The following PIBF1 variants were observed in gnomAD, a reference collection of about 807,000 sequenced individuals.
The protein encoded by PIBF1 is progesterone immunomodulatory binding factor 1.
PIBF1 carries 90 observed loss-of-function variants against 112.5 expected under a neutral mutation model. That is an observed-to-expected ratio of 0.80 (90% CI 0.67 to 0.95). The LOEUF (loss-of-function observed/expected upper bound fraction) is 0.95. PIBF1 is among the 40% of genes least tolerant of loss of function. The probability of loss-of-function intolerance (pLI) is 0.00; values close to 1 mark genes in which losing one functional copy is unlikely to be tolerated. For synonymous variants in PIBF1, 301 were observed against 288.6 expected (o/e 1.04, Z -0.44); for missense variants, 915 against 852.3 (o/e 1.07, Z -0.92).
intron 14 of PIBF1, among the ~76,000 whole-genome samples, chr13:72,964,842 A>G (rs2042698045): frequency 1.3e-5 from 2 of 152,128 alleles, no homozygotes; most frequent in Admixed American, 1.3e-4. Context: ...GTGGGCGATC[A>G]CCTGAGGTCA....
rs1555296165 is a variant in PIBF1, at chr13:72,844,758, C to CGGATGAAGTCTTACTGTTT, written c.1224-9299_1224-9298insGGATGAAGTCTTACTGTTT. On this transcript the variant is annotated intron_variant, in intron 9 of 17. Coordinates refer to ENST00000326291, the MANE Select transcript of PIBF1 (RefSeq NM_006346.4). The stretch of plus-strand genomic sequence containing the variant: ...ACACACACACACACACACACACACA[C>CGGATGAAGTCTTACTGTTT]ACACACACACACACACACACACACA... Among the ~76,000 whole-genome samples the CGGATGAAGTCTTACTGTTT allele has an allele frequency of 9.5e-4, 119 of 125,744 alleles. 1 individual carries two copies. The highest frequency in any genetic ancestry group is 3.4e-3 in the South Asian group (12 of 3,492). The allele number at this position is 125,744 out of a possible 152,430, so 82.5% of individuals were successfully genotyped here.
In PIBF1 at chr13:72,892,785, T is replaced by TACACACACACACACAC. The variant is rs113653296; in HGVS notation, c.1323-990_1323-975dup. On this transcript the variant is annotated intron_variant, in intron 10 of 17. Transcript: ENST00000326291. The stretch of plus-strand genomic sequence containing the variant: ...TCCCACCCCTTACCTCCTCCTGCCT[T>TACACACACACACACAC]ACACACACACACACACACACACACG... 5.6e-3 allele frequency among the ~76,000 whole-genome samples: 782 copies of TACACACACACACACAC among 140,662 alleles called. 22 individuals are homozygous for TACACACACACACACAC. The highest frequency in any genetic ancestry group is 4.7e-3 in the East Asian group (22 of 4,656). 92.3% of individuals were successfully genotyped at this position (140,662 alleles called of 152,430 possible).
chr13:72,860,907 A>C (rs939195192), intron 10 of PIBF1, among the ~76,000 whole-genome samples: 2 of 152,230 alleles, frequency 1.3e-5, no homozygotes, highest in African/African-American at 4.8e-5. Flanking sequence ...GAACATGAAC[A>C]GTTATTATGT....
intron 11 of PIBF1, among the ~76,000 whole-genome samples, chr13:72,904,429 A>ATT (rs1240090172): frequency 7.8e-5 from 4 of 51,090 alleles, no homozygotes; most frequent in African/African-American, 1.7e-4. Flanking sequence ...ATATCAAAAT[A>ATT]TTTCTTTTTT....
At position 73,000,296 on chromosome 13, in the gene PIBF1, A is replaced by G. The variant is rs368848780; in HGVS notation, c.2223+1301A>G. Among the ~76,000 whole-genome samples, 119 of 152,286 alleles carry G rather than the reference A, an allele frequency of 7.8e-4. 1 individual carries two copies. The highest frequency in any genetic ancestry group is 2.9e-3 in the African/African-American group (119 of 41,568). ...TTTGTCTTGAAACAGGTTTCTGTAC[A>G]TCCTTTCTGCATCTACTCTCTTATA... is the stretch of plus-strand genomic sequence containing the variant. On this transcript the variant is annotated intron_variant, in intron 17 of 17. Transcript: ENST00000326291.
intron 16 of PIBF1, among the ~76,000 whole-genome samples, chr13:72,992,325 T>C (rs1227863387): frequency 6.6e-6 from 1 of 152,134 alleles, no homozygotes; most frequent in Non-Finnish European, 1.5e-5. Flanking sequence ...ATTTAAAAAA[T>C]ATTTTGAAAA....
chr13:72,938,777 A>G (rs2041938460), intron 14 of PIBF1, among the ~76,000 whole-genome samples: 1 of 152,222 alleles, frequency 6.6e-6, no homozygotes, highest in East Asian at 1.9e-4. Context: ...GCCATTTTAC[A>G]TTCCCACCAG....
At chr13:72,857,930 A>G (rs1224214494) in intron 10 of PIBF1, among the ~76,000 whole-genome samples, 2 of 152,232 alleles carry the variant, frequency 1.3e-5, no homozygotes, top group Non-Finnish European at 2.9e-5. Context: ...TGGGTATGGA[A>G]AAACAGGCAA....
intron 10 of PIBF1, among the ~76,000 whole-genome samples, chr13:72,892,734 C>T (rs1487280002): frequency 4.0e-5 from 6 of 151,048 alleles, no homozygotes; most frequent in Non-Finnish European, 4.4e-5. Context: ...CTGCATATAA[C>T]TCACATTTCT....
intron 14 of PIBF1, among the ~76,000 whole-genome samples, chr13:72,959,281 C>T (rs1594273065): frequency 6.6e-6 from 1 of 152,184 alleles, no homozygotes; most frequent in East Asian, 1.9e-4. Context: ...CAGGCATGAG[C>T]CACCACGCCC....
chr13:72,927,178 T>C (rs1293973386), intron 13 of PIBF1, among the ~76,000 whole-genome samples: 1 of 152,016 alleles, frequency 6.6e-6, no homozygotes, highest in Non-Finnish European at 1.5e-5. Context: ...AATAGATTGT[T>C]GTGCCTCAGC....
intron 17 of PIBF1, among the ~76,000 whole-genome samples, chr13:73,004,854 G>A (rs1431244016): frequency 5.3e-5 from 8 of 152,246 alleles, no homozygotes; most frequent in African/African-American, 1.7e-4. Context: ...TAGTTGCATC[G>A]TAATGTGAAT....
chr13:73,001,650 C>G (rs1195097412), intron 17 of PIBF1, among the ~76,000 whole-genome samples: 1 of 91,588 alleles, frequency 1.1e-5, no homozygotes, highest in African/African-American at 3.7e-5. Flanking sequence ...GAGATGGAGT[C>G]TCTCACTCTG....
chr13:72,882,954 A>G (rs774498204), intron 10 of PIBF1, among the ~76,000 whole-genome samples: 2 of 152,144 alleles, frequency 1.3e-5, no homozygotes, highest in African/African-American at 4.8e-5. Context: ...TGATTGCTGG[A>G]TCATATGGTA....
At chr13:72,883,244 A>G (rs1447951967) in intron 10 of PIBF1, among the ~76,000 whole-genome samples, 2 of 152,200 alleles carry the variant, frequency 1.3e-5, no homozygotes, top group African/African-American at 2.4e-5. Flanking sequence ...CAATAAGACA[A>G]ACTTTGCATG....
chr13:72,787,424 T>C (rs2138341584), intron 2 of PIBF1, among the ~76,000 whole-genome samples: 1 of 152,278 alleles, frequency 6.6e-6, no homozygotes, highest in South Asian at 2.1e-4. Flanking sequence ...CTCAGAAGTA[T>C]ATTGGACTCC....
At chr13:72,937,006 T>A (rs1232324323) in intron 14 of PIBF1, among the ~76,000 whole-genome samples, 1 of 152,174 alleles carries the variant, frequency 6.6e-6, no homozygotes, top group Admixed American at 6.5e-5. Flanking sequence ...CTGTCAACTG[T>A]TTGACATCTT....
At chr13:72,877,121 C>T (rs1042348760) in intron 10 of PIBF1, among the ~76,000 whole-genome samples, 2 of 152,134 alleles carry the variant, frequency 1.3e-5, no homozygotes, top group Admixed American at 1.3e-4. Flanking sequence ...GCTTTCTCTA[C>T]ATCTATTGAC....
intron 10 of PIBF1, among the ~76,000 whole-genome samples, chr13:72,874,800 C>T (rs891736031): frequency 2.6e-5 from 4 of 152,126 alleles, no homozygotes; most frequent in Non-Finnish European, 5.9e-5. Context: ...GGGTTCACTG[C>T]AAAATTGAAA....
Sources: gnomAD v4.1 joint callset for allele counts (sites outside exome capture counted in the v4.1 genomes callset) on GRCh38, gnomAD v4.1.1 for gene constraint, MANE v1.5 for transcripts, NCBI Gene and HGNC (gene_info 2026-07-23, HGNC 2026-07-21) for gene names.